Variants in ZNF865 observed in about 807,000 individuals in gnomAD.
The protein encoded by ZNF865 is zinc finger protein 865.
For synonymous variants in ZNF865, 763 were observed against 750.8 expected (o/e 1.02, Z -0.27); for missense variants, 1,311 against 1,593.4 (o/e 0.82, Z 3.02).
rs1454176921 is a variant in ZNF865 at position 55,613,812 on chromosome 19, C to A, written c.194C>A (p.Pro65Gln). ...VAALPCAPGP[P>Q]PQPPPQPPPP... ...GCCCTGCCCTGCGCCCCCGGCCCCC[C>A]GCCGCAGCCCCCGCCGCAGCCCCCT... The change falls in exon 2 of 2, where the codon CCG (proline) becomes CAG (glutamine). Residue 65 changes from proline to glutamine, a missense_variant. Transcript: ENST00000568956. The A allele has an allele frequency of 1.3e-6, 2 of 1,494,146 alleles. No homozygotes were observed. Among genetic ancestry groups the A allele is most frequent in the South Asian group, 2.6e-5 (2 of 78,378 alleles). The allele number at this position is 1,494,146 out of a possible 1,614,324, so 92.6% of individuals were successfully genotyped here.
chr19:55,615,725 G>A lies in ZNF865; in HGVS notation c.2107G>A (p.Gly703Ser). Residue 703 changes from glycine to serine, a missense_variant, in exon 2 of 2, where the codon GGC becomes AGC. Transcript: ENST00000568956. ...AEKPYGCDAC[G>S]KTFGFIENLM... The stretch of plus-strand genomic sequence containing the variant: ...GAAGCCATACGGCTGCGACGCCTGC[G>A]GCAAGACCTTCGGCTTCATCGAGAA... The A allele has an allele frequency of 2.0e-6, 3 of 1,534,112 alleles. No homozygotes were observed. The highest frequency in any genetic ancestry group is 2.4e-5 in the South Asian group (2 of 83,904).
rs1255230176 is a variant in ZNF865 at position 55,616,111 on chromosome 19, C to A, written c.2493C>A (p.Gly831=). 1.9e-5 allele frequency: 28 copies of A among 1,488,806 alleles called. No homozygotes were observed. The highest frequency in any genetic ancestry group is 2.4e-5 in the Non-Finnish European group (27 of 1,121,796). The allele number at this position is 1,488,806 out of a possible 1,614,324, so 92.2% of individuals were successfully genotyped here. A position where few individuals can be genotyped will look rare whatever the true frequency, so the allele number is the denominator to read the frequency against. Residue 831 remains glycine, a synonymous_variant, in exon 2 of 2, where the codon GGC becomes GGA. Transcript: ENST00000568956. ...GCGLCGQSFA[G]AYDLLLHRRS... is the part of the protein sequence containing the mutation. ...GCCTCTGCGGCCAGAGCTTCGCGGG[C>A]GCCTACGACTTGCTCCTACACCGCC... is the stretch of plus-strand genomic sequence containing the variant.
chr19:55,617,123 T>A lies in ZNF865; in HGVS notation c.*325T>A. 1 of 204,150 alleles carries A rather than the reference T, an allele frequency of 4.9e-6. No homozygotes were observed. The highest frequency in any genetic ancestry group is 9.8e-6 in the Non-Finnish European group (1 of 102,458). The allele number at this position is 204,150 out of a possible 1,614,324, so 12.6% of individuals were successfully genotyped here. A position where few individuals can be genotyped will look rare whatever the true frequency, so the allele number is the denominator to read the frequency against. On this transcript the variant is annotated 3_prime_UTR_variant, in exon 2 of 2. Transcript: ENST00000568956. ...GGGTCTGAACCGCCCCTCCCCCTCC[T>A]TTGGAATCTGGCTGGACAGTGGAGT... is the stretch of plus-strand genomic sequence containing the variant.
Position 55,613,990 on chromosome 19 carries a change from G to A in ZNF865, c.372G>A (p.Pro124=), listed in dbSNP as rs1460962146. The change falls in exon 2 of 2, where the codon CCG becomes CCA. Residue 124 remains proline, a synonymous_variant. Coordinates refer to ENST00000568956, the MANE Select transcript of ZNF865 (RefSeq NM_001195605.2). ...SSSSQAKKPD[P]PLPPAFGAPP... is the part of the protein sequence containing the mutation. ...CTTCCCAAGCCAAGAAGCCCGATCC[G>A]CCCCTGCCGCCCGCCTTCGGGGCGC... 3 of 1,518,884 alleles carry A rather than the reference G, an allele frequency of 2.0e-6. No individual in the cohort carries two copies. The highest frequency in any genetic ancestry group is 1.8e-6 in the Non-Finnish European group (2 of 1,138,066). The allele number at this position is 1,518,884 out of a possible 1,614,324, so 94.1% of individuals were successfully genotyped here.
In ZNF865 at chr19:55,615,547, C is replaced by A; in HGVS notation, c.1929C>A (p.Pro643=). Residue 643 remains proline (P), a synonymous_variant, in exon 2 of 2, where the codon CCC becomes CCA. Transcript: ENST00000568956. The part of the protein sequence containing the change: ...PCALAGAAGL[P]STQGTPGACG... Reference sequence around the variant, plus strand: ...CCCTGGCCGGGGCAGCCGGCCTCCCCTCCACCCAAGGCACACCGGGGGCCT... The same window carrying A: ...CCCTGGCCGGGGCAGCCGGCCTCCCATCCACCCAAGGCACACCGGGGGCCT... 6.6e-7 allele frequency: 1 copy of A among 1,513,756 alleles called. No homozygotes were observed. The highest frequency in any genetic ancestry group is 8.8e-7 in the Non-Finnish European group (1 of 1,136,810). The allele number at this position is 1,513,756 out of a possible 1,614,324, so 93.8% of individuals were successfully genotyped here.
chr19:55,612,364 A>C (rs1981169089), intron 1 of ZNF865: 1 of 152,150 alleles, frequency 6.6e-6, no homozygotes, highest in Non-Finnish European at 1.5e-5. Context: ...CCAGGCAAGC[A>C]AATTCTCCTT....
chr19:55,613,940 T>C lies in ZNF865; in HGVS notation c.322T>C (p.Ser108Pro), dbSNP rs1309189657. The change falls in exon 2 of 2, where the codon TCG (serine) becomes CCG (proline). Residue 108 changes from serine (S) to proline (P), a missense_variant. Coordinates refer to ENST00000568956, the MANE Select transcript of ZNF865 (RefSeq NM_001195605.2). ...SSSSSSSSSSSSSSSSSSSSQ... is the reference protein window; with the variant it reads ...SSSSSSSSSSPSSSSSSSSSQ... ...CTCCTCCTCCTCCTCTTCGTCCTCC[T>C]CGTCGTCATCTTCGTCCTCTTCCTC... 6.5e-7 allele frequency: 1 copy of C among 1,532,526 alleles called. No homozygotes were observed. Among genetic ancestry groups the C allele is most frequent in the Non-Finnish European group, 8.7e-7 (1 of 1,144,812 alleles). The allele number at this position is 1,532,526 out of a possible 1,614,324, so 94.9% of individuals were successfully genotyped here.
In ZNF865 at chr19:55,611,128, C is replaced by T. The variant is rs1179140936; in HGVS notation, c.-26-2465C>T. ...CTCCTACTCCGTGACCATGGCAACT[C>T]ACTTTGCCTCTCCATGCCTTAGTTT... is the stretch of plus-strand genomic sequence containing the variant. On this transcript the variant is annotated intron_variant, in intron 1 of 1. Coordinates refer to ENST00000568956, the MANE Select transcript of ZNF865 (RefSeq NM_001195605.2). This position sits in a 1 kb window ranked among gnomAD's most constrained non-coding sequence, Gnocchi z 4.5. Among the ~76,000 whole-genome samples, 1 of 152,200 alleles carries T rather than the reference C, an allele frequency of 6.6e-6. No individual in the cohort carries two copies. The highest frequency in any genetic ancestry group is 2.4e-5 in the African/African-American group (1 of 41,442).
At position 55,614,131 on chromosome 19, in the gene ZNF865, G is replaced by A; in HGVS notation, c.513G>A (p.Pro171=). The A allele has an allele frequency of 4.2e-6, 6 of 1,434,602 alleles. No individual in the cohort carries two copies. Among genetic ancestry groups the A allele is most frequent in the Admixed American group, 3.0e-5 (1 of 33,422 alleles). 88.9% of individuals were successfully genotyped at this position (1,434,602 alleles called of 1,614,324 possible). A position where few individuals can be genotyped will look rare whatever the true frequency, so the allele number is the denominator to read the frequency against. ...AGCGAGGAGGGCCCGCGTCCGGGCC[G>A]GGGGTGACGCCTGGGCTGGGCGCTC... ...NLKRGGPASG[P]GVTPGLGAPA... Residue 171 remains proline (P), a synonymous_variant, in exon 2 of 2, where the codon CCG becomes CCA. Transcript: ENST00000568956. This position sits in a 1 kb window ranked among gnomAD's most constrained non-coding sequence, Gnocchi z 8.0.
chr19:55,615,086 G>C lies in ZNF865; in HGVS notation c.1468G>C (p.Gly490Arg). The change falls in exon 2 of 2, where the codon GGC becomes CGC. Residue 490 changes from glycine to arginine, a missense_variant. Gly to Arg is a moderately radical substitution (Grantham distance 125). Transcript: ENST00000568956. ...APQPPPTFPP[G>R]PYLLPPDPPT... ...GCAGCCCCCGCCCACCTTCCCCCCG[G>C]GCCCGTACCTCCTGCCCCCCGACCC... 9.0e-7 allele frequency: 1 copy of C among 1,108,490 alleles called. No individual in the cohort carries two copies. 68.7% of individuals were successfully genotyped at this position (1,108,490 alleles called of 1,614,324 possible). A position where few individuals can be genotyped will look rare whatever the true frequency, so the allele number is the denominator to read the frequency against.
At chr19:55,609,782 T>TTGGTGG (rs1038492347) in intron 1 of ZNF865, among the ~76,000 whole-genome samples, 3 of 152,124 alleles carry the variant, frequency 2.0e-5, no homozygotes, top group South Asian at 2.1e-4. Context: ...CTCCTGTCCC[T>TTGGTGG]TGGTGGTGGT....
chr19:55,614,600 G>A lies in ZNF865; in HGVS notation c.982G>A (p.Asp328Asn). ...ATPVAPAPSA[D>N]GSAAPAGVGV... ...GCCCGTGGCGCCTGCCCCCTCCGCA[G>A]ACGGGAGCGCCGCCCCTGCTGGTGT... Residue 328 changes from aspartate to asparagine, a missense_variant, in exon 2 of 2, where the codon GAC (aspartate) becomes AAC (asparagine). Asp to Asn is a conservative substitution (Grantham distance 23). Transcript: ENST00000568956. This position sits in a 1 kb window ranked among gnomAD's most constrained non-coding sequence, Gnocchi z 8.0. 2 of 1,523,722 alleles carry A rather than the reference G, an allele frequency of 1.3e-6. No individual in the cohort carries two copies. The highest frequency in any genetic ancestry group is 1.8e-6 in the Non-Finnish European group (2 of 1,141,106). 94.4% of individuals were successfully genotyped at this position (1,523,722 alleles called of 1,614,324 possible).
chr19:55,615,008 G>C lies in ZNF865; in HGVS notation c.1390G>C (p.Ala464Pro). ...QSLLRHKAAH[A>P]PPAAAAEAPK... ...CCTGCTCCGCCACAAGGCCGCCCAC[G>C]CCCCGCCCGCTGCCGCTGCGGAGGC... Residue 464 changes from alanine (A) to proline (P), a missense_variant, in exon 2 of 2, where the codon GCC becomes CCC. By Grantham distance (27) the Ala-to-Pro change is conservative. Coordinates refer to ENST00000568956, the MANE Select transcript of ZNF865 (RefSeq NM_001195605.2). The C allele has an allele frequency of 7.3e-7, 1 of 1,362,626 alleles. No homozygotes were observed. The highest frequency in any genetic ancestry group is 9.4e-7 in the Non-Finnish European group (1 of 1,063,656). 84.4% of individuals were successfully genotyped at this position (1,362,626 alleles called of 1,614,324 possible).
rs1384438827 is a variant in ZNF865, at chr19:55,613,884, C to T, written c.266C>T (p.Ala89Val). ...CCCCAGTCCACCTTCAAGCCCAAGG[C>T]GGAGGTGCCCTCCTCGTCCTCGTCC... ...YPPQSTFKPK[A>V]EVPSSSSSSS... The change falls in exon 2 of 2, where the codon GCG (alanine) becomes GTG (valine). Residue 89 changes from alanine to valine, a missense_variant. Transcript: ENST00000568956. 6 of 1,499,346 alleles carry T rather than the reference C, an allele frequency of 4.0e-6. No individual in the cohort carries two copies. The highest frequency in any genetic ancestry group is 4.5e-6 in the Non-Finnish European group (5 of 1,116,660). 92.9% of individuals were successfully genotyped at this position (1,499,346 alleles called of 1,614,324 possible). A position where few individuals can be genotyped will look rare whatever the true frequency, so the allele number is the denominator to read the frequency against.
chr19:55,608,872 T>C (rs1981035461), intron 1 of ZNF865, among the ~76,000 whole-genome samples: 1 of 152,108 alleles, frequency 6.6e-6, no homozygotes. Context: ...GAGCAATGCA[T>C]GTTTCCAGTA....
chr19:55,615,833 G>C lies in ZNF865; in HGVS notation c.2215G>C (p.Gly739Arg). The C allele has an allele frequency of 6.7e-7, 1 of 1,503,540 alleles. No homozygotes were observed. 93.1% of individuals were successfully genotyped at this position (1,503,540 alleles called of 1,614,324 possible). Residue 739 changes from glycine to arginine, a missense_variant, in exon 2 of 2, where the codon GGC becomes CGC. Physicochemically the swap from Gly to Arg is moderately radical, Grantham distance 125. Coordinates refer to ENST00000568956, the MANE Select transcript of ZNF865 (RefSeq NM_001195605.2). ...ACCCGGCGGCCTGCAGCCCCCGGAC[G>C]GCTCCAGCGGCACGGATGCGGCCAG... ...PAPGGLQPPD[G>R]SSGTDAASVL...
intron 1 of ZNF865, among the ~76,000 whole-genome samples, chr19:55,606,969 C>T (rs1209252184): frequency 1.3e-5 from 2 of 152,128 alleles, no homozygotes; most frequent in Non-Finnish European, 2.9e-5. Context: ...ACAACAAGTG[C>T]AAAGGCCCTG....
intron 1 of ZNF865, among the ~76,000 whole-genome samples, chr19:55,607,510 C>G (rs1387405864): frequency 6.7e-6 from 1 of 149,762 alleles, no homozygotes; most frequent in Non-Finnish European, 1.5e-5. Flanking sequence ...ATTCAGGAGG[C>G]TGAGGTGGGA....
rs1399115494 is a variant in ZNF865, at chr19:55,614,740, C to T, written c.1122C>T (p.Gly374=). 2 of 1,586,604 alleles carry T rather than the reference C, an allele frequency of 1.3e-6. No homozygotes were observed. The highest frequency in any genetic ancestry group is 1.1e-5 in the South Asian group (1 of 88,992). ...HLHQHQIIHT[G]EKPFSCSVCS... The stretch of plus-strand genomic sequence containing the variant: ...ACCAGCACCAGATCATCCACACGGG[C>T]GAGAAGCCCTTCTCCTGCTCCGTGT... The change falls in exon 2 of 2, where the codon GGC becomes GGT. Residue 374 remains glycine (G), a synonymous_variant. Coordinates refer to ENST00000568956, the MANE Select transcript of ZNF865 (RefSeq NM_001195605.2). This position sits in a 1 kb window ranked among gnomAD's most constrained non-coding sequence, Gnocchi z 8.0.
Sources: allele counts gnomAD v4.1 joint callset (sites outside exome capture counted in the v4.1 genomes callset), GRCh38; gene constraint gnomAD v4.1.1; non-coding constraint Gnocchi (gnomAD v3.1); transcripts MANE v1.5; gene names NCBI Gene and HGNC (gene_info 2026-07-23, HGNC 2026-07-21).